LSAMP: variants seen among roughly 807,000 people sequenced by gnomAD.
The protein encoded by LSAMP is limbic system associated membrane protein.
In LSAMP, 7 loss-of-function variants were observed where a neutral mutation model predicts 38.6. The ratio of observed to expected loss-of-function variants is 0.18; its 90% CI spans 0.10 to 0.34. The LOEUF is 0.34. Among genes scored for constraint, LSAMP ranks in the 10% least tolerant of loss-of-function variants. The pLI, the probability that LSAMP is intolerant of heterozygous loss-of-function variation, is 1.00. For synonymous variants in LSAMP, 154 were observed against 166.8 expected, an observed-to-expected ratio of 0.92 and a Z score of 0.59; for missense variants, 313 against 420.0, an observed-to-expected ratio of 0.75 and a Z score of 2.23.
chr3:116,339,449 G>A (rs188924262), intron 1 of LSAMP, among the ~76,000 whole-genome samples: 83 of 151,876 alleles, frequency 5.5e-4, no homozygotes, highest in Admixed American at 9.9e-4. Context: ...CTGAATGACC[G>A]TCACAGCCAC....
chr3:116,373,171 C>T (rs772274677), intron 1 of LSAMP, among the ~76,000 whole-genome samples: 8 of 150,868 alleles, frequency 5.3e-5, no homozygotes, highest in Non-Finnish European at 1.0e-4. Flanking sequence ...ACCTAACTGC[C>T]CAGTGACAGA....
chr3:116,212,145 C>G (rs1291096234), intron 1 of LSAMP, among the ~76,000 whole-genome samples: 2 of 152,162 alleles, frequency 1.3e-5, no homozygotes, highest in African/African-American at 4.8e-5. Flanking sequence ...CAGCCTACTA[C>G]TTCTGGAAAA....
chr3:116,177,893 T>G (rs1322175835), intron 1 of LSAMP, among the ~76,000 whole-genome samples: 1 of 152,178 alleles, frequency 6.6e-6, no homozygotes, highest in Non-Finnish European at 1.5e-5. Flanking sequence ...TGGAGAGAAT[T>G]ATGCTTCTAT....
chr3:115,821,942 T>A (rs1187972606), intron 6 of LSAMP, among the ~76,000 whole-genome samples: 3 of 152,176 alleles, frequency 2.0e-5, no homozygotes, highest in Non-Finnish European at 4.4e-5. Context: ...TTTTGAAAAA[T>A]AAAACCTTTA....
At chr3:115,887,976 C>A (rs1936499168) in intron 3 of LSAMP, among the ~76,000 whole-genome samples, 1 of 151,814 alleles carries the variant, frequency 6.6e-6, no homozygotes. Flanking sequence ...GAGGTCAGAT[C>A]CCCATGTCTC....
chr3:116,241,290 C>T lies in LSAMP; in HGVS notation c.156-154734G>A, dbSNP rs144120861. Among the ~76,000 whole-genome samples the T allele has an allele frequency of 1.6e-3, 239 of 150,468 alleles. 2 individuals are homozygous for T. The highest frequency in any genetic ancestry group is 5.4e-3 in the African/African-American group (220 of 40,936). ...TAATATATTCTTTATGTTGGCCGGGCGCAGTGGCTCATGCCTGTGTAATCC... is the reference window on the plus strand; with the variant it reads ...TAATATATTCTTTATGTTGGCCGGGTGCAGTGGCTCATGCCTGTGTAATCC... On this transcript the variant is annotated intron_variant, in intron 1 of 6. Transcript: ENST00000490035.
chr3:116,006,606 A>G (rs1440424023), intron 3 of LSAMP, among the ~76,000 whole-genome samples: 1 of 152,156 alleles, frequency 6.6e-6, no homozygotes, highest in Non-Finnish European at 1.5e-5. Flanking sequence ...CTCTTCAGGA[A>G]TCCATCCATC....
At chr3:116,203,720 G>C (rs930276567) in intron 1 of LSAMP, among the ~76,000 whole-genome samples, 29 of 151,994 alleles carry the variant, frequency 1.9e-4, no homozygotes, top group Middle Eastern at 3.4e-3. Context: ...TCCCTACAAA[G>C]GACATGAACT....
At chr3:116,114,536 A>G (rs887753866) in intron 1 of LSAMP, among the ~76,000 whole-genome samples, 2 of 152,066 alleles carry the variant, frequency 1.3e-5, no homozygotes, top group Admixed American at 6.5e-5. Context: ...AGGGACAGCT[A>G]TTAGAAAACC....
chr3:116,248,477 A>ATGTGTGTGTGTGTG lies in LSAMP; in HGVS notation c.156-161935_156-161922dup, dbSNP rs3028670. The stretch of plus-strand genomic sequence containing the variant: ...GCAATATAGTAAGACCCTGTCTCTA[A>ATGTGTGTGTGTGTG]TGTGTGTGTGTGTGTGTGTGTGTGT... On this transcript the variant is annotated intron_variant, in intron 1 of 6. Coordinates refer to ENST00000490035, the MANE Select transcript of LSAMP (RefSeq NM_002338.5). Among the ~76,000 whole-genome samples, 87 of 141,062 alleles carry ATGTGTGTGTGTGTG rather than the reference A, an allele frequency of 6.2e-4. 1 individual carries two copies. The highest frequency in any genetic ancestry group is 2.2e-3 in the African/African-American group (79 of 35,872). 92.5% of individuals were successfully genotyped at this position (141,062 alleles called of 152,430 possible). A position where few individuals can be genotyped will look rare whatever the true frequency, so the allele number is the denominator to read the frequency against.
intron 3 of LSAMP, among the ~76,000 whole-genome samples, chr3:115,919,587 A>G (rs367885274): frequency 1.2e-4 from 18 of 152,184 alleles, no homozygotes; most frequent in African/African-American, 3.9e-4. Context: ...TCTTTTCTGC[A>G]TATGAAACTG....
intron 3 of LSAMP, among the ~76,000 whole-genome samples, chr3:115,972,839 CA>C (rs1235128761): frequency 3.3e-5 from 5 of 149,638 alleles, no homozygotes; most frequent in Non-Finnish European, 7.4e-5. Flanking sequence ...ATGCATGTAA[CA>C]CATTTAATGT....
intron 1 of LSAMP, among the ~76,000 whole-genome samples, chr3:116,345,131 T>G (rs1433043643): frequency 1.3e-5 from 2 of 152,014 alleles, no homozygotes; most frequent in Non-Finnish European, 2.9e-5. Context: ...GATTACTATT[T>G]GTCTGCTTTG....
intron 2 of LSAMP, among the ~76,000 whole-genome samples, chr3:116,037,288 A>G (rs1941067602): frequency 1.3e-5 from 2 of 152,306 alleles, no homozygotes; most frequent in South Asian, 4.1e-4. Flanking sequence ...AGCTATTTTT[A>G]AGGCCAACCA....
At chr3:115,956,520 C>A (rs1046823906) in intron 3 of LSAMP, among the ~76,000 whole-genome samples, 1 of 151,988 alleles carries the variant, frequency 6.6e-6, no homozygotes, top group African/African-American at 2.4e-5. Context: ...TGGTTGCCCA[C>A]CTCTATTCTT....
chr3:116,410,174 C>T (rs761668159), intron 1 of LSAMP, among the ~76,000 whole-genome samples: 9 of 152,016 alleles, frequency 5.9e-5, no homozygotes, highest in East Asian at 1.9e-4. Flanking sequence ...ACCTCAATCA[C>T]GACTCTAAGT....
At chr3:116,333,928 A>G (rs1422376356) in intron 1 of LSAMP, among the ~76,000 whole-genome samples, 2 of 151,892 alleles carry the variant, frequency 1.3e-5, no homozygotes, top group Admixed American at 6.6e-5. Context: ...GATAGAAGAA[A>G]CAATATAAAA....
chr3:116,171,728 C>T (rs541118987), intron 1 of LSAMP, among the ~76,000 whole-genome samples: 1 of 152,094 alleles, frequency 6.6e-6, no homozygotes, highest in Admixed American at 6.6e-5. Flanking sequence ...CCATGGGACC[C>T]TAGTAAGGTG....
In LSAMP at chr3:115,984,986, A is replaced by C. The variant is rs371743116; in HGVS notation, c.514+34529T>G. The stretch of plus-strand genomic sequence containing the variant: ...GGGAACAGCTGGAAATGAAGCTGGA[A>C]ATACAGGCTAGGGTCAGATTGTAAA... On this transcript the variant is annotated intron_variant, in intron 3 of 6. Coordinates refer to ENST00000490035, the MANE Select transcript of LSAMP (RefSeq NM_002338.5). Among the ~76,000 whole-genome samples, 6 of 152,298 alleles carry C rather than the reference A, an allele frequency of 3.9e-5. No individual in the cohort carries two copies. The South Asian group carries it at 6.2e-4, about 16-fold the overall frequency.
Sources: allele counts gnomAD v4.1 joint callset (sites outside exome capture counted in the v4.1 genomes callset), GRCh38; gene constraint gnomAD v4.1.1; transcripts MANE v1.5; gene names NCBI Gene and HGNC (gene_info 2026-07-23, HGNC 2026-07-21).